The following LEKR1 variants were observed in gnomAD, a reference collection of about 807,000 sequenced individuals.
The protein encoded by LEKR1 is protein LEKR1.
LEKR1 carries 59 observed loss-of-function variants against 72.4 expected under a neutral mutation model. The ratio of observed to expected loss-of-function variants is 0.82; its 90% CI spans 0.66 to 1.01. LEKR1 has a LOEUF of 1.01. Ranked by LOEUF, LEKR1 falls within the 50% of genes least tolerant of loss-of-function variation. LEKR1 has a pLI of 0.00. For missense variants in LEKR1, 728 were observed against 759.2 expected (o/e 0.96, Z 0.48); for synonymous variants, 257 against 263.2 (o/e 0.98, Z 0.23).
chr3:157,000,983 C>G (rs993120872), intron 9 of LEKR1, among the ~76,000 whole-genome samples: 3 of 152,172 alleles, frequency 2.0e-5, no homozygotes, highest in African/African-American at 2.4e-5. Context: ...GGCACATCTC[C>G]TTCCTGCTAC....
intron 3 of LEKR1, chr3:156,888,592 C>T (rs1396922728): frequency 4.1e-6 from 2 of 492,796 alleles, no homozygotes; most frequent in African/African-American, 3.8e-5. Context: ...AAAGAGAGAG[C>T]TAATTAAGCA....
rs761217437 is a variant in LEKR1, at chr3:157,028,123, C to T, written c.1389C>T (p.Gly463=). Residue 463 remains glycine, a synonymous_variant, in exon 12 of 13, where the codon GGC becomes GGT. Coordinates refer to ENST00000356539, the MANE Select transcript of LEKR1 (RefSeq NM_001004316.3). ...LQMKISDLIT[G]ATRDLRQEVT... ...TACAGATATCTGACTTAATCACAGG[C>T]GCTACAAGAGATCTAAGGCAGGAAG... is the stretch of plus-strand genomic sequence containing the variant. 27 of 1,590,646 alleles carry T rather than the reference C, an allele frequency of 1.7e-5. No homozygotes were observed. Among genetic ancestry groups the T allele is most frequent in the South Asian group, 8.1e-5 (7 of 86,876 alleles).
At chr3:157,010,079 G>A in intron 9 of LEKR1, among the ~76,000 whole-genome samples, 1 of 151,812 alleles carries the variant, frequency 6.6e-6, no homozygotes, top group Non-Finnish European at 1.5e-5. Context: ...TCTTATTTCT[G>A]ATATTAGTAA....
At chr3:156,884,421 G>T (rs575198428) in intron 3 of LEKR1, among the ~76,000 whole-genome samples, 2 of 152,214 alleles carry the variant, frequency 1.3e-5, no homozygotes, top group South Asian at 4.2e-4. Context: ...ATATTTCACG[G>T]TTTTGTTTCA....
At chr3:157,032,224 C>T (rs1734667027) in intron 12 of LEKR1, among the ~76,000 whole-genome samples, 1 of 152,100 alleles carries the variant, frequency 6.6e-6, no homozygotes. Flanking sequence ...GTGTGACCCC[C>T]TATTACGGAC....
chr3:156,998,548 C>A (rs1731760094), intron 9 of LEKR1, among the ~76,000 whole-genome samples: 2 of 152,100 alleles, frequency 1.3e-5, no homozygotes, highest in African/African-American at 4.8e-5. Context: ...TTGCCCATAA[C>A]ATGATGGGAA....
chr3:156,966,415 G>A (rs555444372), intron 6 of LEKR1, among the ~76,000 whole-genome samples: 6 of 152,244 alleles, frequency 3.9e-5, no homozygotes, highest in South Asian at 2.1e-4. Flanking sequence ...CTGGAAAATC[G>A]TGTCACTTCC....
intron 6 of LEKR1, among the ~76,000 whole-genome samples, chr3:156,950,734 A>G (rs766106881): frequency 1.1e-4 from 17 of 151,630 alleles, no homozygotes; most frequent in South Asian, 6.2e-4. Flanking sequence ...AAACTTTGCT[A>G]AAGCTGTTTA....
chr3:156,871,953 G>A (rs963770058), intron 3 of LEKR1, among the ~76,000 whole-genome samples: 2 of 152,056 alleles, frequency 1.3e-5, no homozygotes, highest in Non-Finnish European at 1.5e-5. Context: ...TGGTCTCATA[G>A]AATGAGGCAG....
chr3:156,880,475 C>G (rs1306739478), intron 3 of LEKR1, among the ~76,000 whole-genome samples: 1 of 152,160 alleles, frequency 6.6e-6, no homozygotes, highest in East Asian at 1.9e-4. Flanking sequence ...CTGAATAGAC[C>G]AATAACAGGA....
At position 157,024,611 on chromosome 3, in the gene LEKR1, A is replaced by G. The variant is rs115391310; in HGVS notation, c.1204-149A>G. The G allele has an allele frequency of 1.5e-3, 990 of 665,216 alleles. 6 individuals carry two copies. The African/African-American group carries it at 0.016, about 11-fold the overall frequency. The allele number at this position is 665,216 out of a possible 1,614,324, so 41.2% of individuals were successfully genotyped here. On this transcript the variant is annotated intron_variant, in intron 10 of 12. Transcript: ENST00000356539. ...ATTTTTCTGGCCCAAGTTCTAAGTCACACTTTTTTTTGAACACTAGAATTT... is the reference window on the plus strand; with the variant it reads ...ATTTTTCTGGCCCAAGTTCTAAGTCGCACTTTTTTTTGAACACTAGAATTT...
At chr3:157,012,763 T>G (rs966273885) in intron 10 of LEKR1, among the ~76,000 whole-genome samples, 5 of 152,112 alleles carry the variant, frequency 3.3e-5, no homozygotes, top group African/African-American at 1.2e-4. Context: ...CATTCTTATT[T>G]TGTTTTATTT....
intron 3 of LEKR1, among the ~76,000 whole-genome samples, chr3:156,856,636 A>G (rs1205882514): frequency 6.6e-6 from 1 of 152,110 alleles, no homozygotes; most frequent in East Asian, 1.9e-4. Flanking sequence ...ACAATTTTAT[A>G]ATTTTTAAAT....
Position 156,906,027 on chromosome 3 carries a change from G to A in LEKR1, c.264-14548G>A, listed in dbSNP as rs1174539957. On this transcript the variant is annotated intron_variant, in intron 3 of 12. Coordinates refer to ENST00000356539, the MANE Select transcript of LEKR1 (RefSeq NM_001004316.3). Reference sequence around the variant, plus strand: ...GTCATCTTTGATTGCTGCAAAATCAGTTTGAGGGAAAGACTGCAAATAAAT... The same window carrying A: ...GTCATCTTTGATTGCTGCAAAATCAATTTGAGGGAAAGACTGCAAATAAAT... 2.0e-5 allele frequency among the ~76,000 whole-genome samples: 3 copies of A among 152,230 alleles called. No homozygotes were observed. In the East Asian group the frequency reaches 5.8e-4, roughly 29 times the overall value.
At chr3:156,867,095 A>C (rs1717396300) in intron 3 of LEKR1, among the ~76,000 whole-genome samples, 1 of 152,132 alleles carries the variant, frequency 6.6e-6, no homozygotes, top group Non-Finnish European at 1.5e-5. Context: ...GGTAATTTAG[A>C]AAATGAAATA....
intron 5 of LEKR1, among the ~76,000 whole-genome samples, chr3:156,936,940 T>C (rs1725768699): frequency 6.6e-6 from 1 of 152,160 alleles, no homozygotes; most frequent in Non-Finnish European, 1.5e-5. Context: ...ACTAAAATCA[T>C]GGTACCTAAA....
chr3:157,026,577 T>G (rs746165142), intron 11 of LEKR1, among the ~76,000 whole-genome samples: 13 of 152,186 alleles, frequency 8.5e-5, no homozygotes, highest in Non-Finnish European at 1.5e-4. Context: ...TAATAGAATA[T>G]TAATTTATAA....
intron 3 of LEKR1, among the ~76,000 whole-genome samples, chr3:156,882,752 C>T (rs1719569360): frequency 2.0e-5 from 3 of 152,196 alleles, no homozygotes; most frequent in Middle Eastern, 3.4e-3. Context: ...GGAACCAAGC[C>T]AAATGTCCAA....
At chr3:156,849,290 C>A (rs916545185) in intron 2 of LEKR1, among the ~76,000 whole-genome samples, 1 of 152,162 alleles carries the variant, frequency 6.6e-6, no homozygotes, top group African/African-American at 2.4e-5. Context: ...ATTTCATGCT[C>A]ATGGGTAGGA....
Sources: gnomAD v4.1 joint callset for allele counts (sites outside exome capture counted in the v4.1 genomes callset) on GRCh38, gnomAD v4.1.1 for gene constraint, MANE v1.5 for transcripts, NCBI Gene and HGNC (gene_info 2026-07-23, HGNC 2026-07-21) for gene names.